SGCD: variants seen among roughly 807,000 people sequenced by gnomAD.
SGCD encodes sarcoglycan delta, also known as delta-sarcoglycan.
A neutral mutation model predicts 36.6 loss-of-function variants in SGCD; 18 were observed. The ratio of observed to expected loss-of-function variants is 0.49; its 90% CI spans 0.34 to 0.73. The LOEUF (loss-of-function observed/expected upper bound fraction) is 0.73, where lower values mean the gene tolerates loss of function less well. Ranked by LOEUF, SGCD falls within the 30% of genes least tolerant of loss-of-function variation. SGCD has a pLI of 0.01. For missense variants in SGCD, 387 were observed against 346.7 expected (o/e 1.12, Z -0.92); for synonymous variants, 133 against 130.6 (o/e 1.02, Z -0.12).
At chr5:156,664,479 G>A (rs1156357559) in intron 7 of SGCD, among the ~76,000 whole-genome samples, 1 of 139,828 alleles carries the variant, frequency 7.2e-6, no homozygotes, top group Non-Finnish European at 1.5e-5. Flanking sequence ...TACTTCCTGG[G>A]TCTTGGATTT....
intron 1 of SGCD, among the ~76,000 whole-genome samples, chr5:156,086,654 G>T (rs2127592904): frequency 6.6e-6 from 1 of 152,242 alleles, no homozygotes; most frequent in East Asian, 1.9e-4. Context: ...GAATTTCATA[G>T]GTGCCTGGAT....
At chr5:155,930,220 A>G (rs1757074381) in intron 1 of SGCD, among the ~76,000 whole-genome samples, 1 of 152,210 alleles carries the variant, frequency 6.6e-6, no homozygotes, top group Non-Finnish European at 1.5e-5. Flanking sequence ...TTTGATATCT[A>G]GAAACACCTC....
chr5:156,552,574 A>G (rs1758843526), intron 4 of SGCD, among the ~76,000 whole-genome samples: 1 of 152,196 alleles, frequency 6.6e-6, no homozygotes, highest in Non-Finnish European at 1.5e-5. Flanking sequence ...TTGTACAAAC[A>G]AGTACCAATG....
the SGCD span, among the ~76,000 whole-genome samples, chr5:155,826,856 G>C: frequency 1.3e-5 from 2 of 152,312 alleles, no homozygotes; most frequent in South Asian, 2.1e-4. Context: ...TAGAATGCTA[G>C]TTTCCATGAA....
chr5:156,041,724 A>G (rs1216574940), intron 1 of SGCD, among the ~76,000 whole-genome samples: 1 of 152,198 alleles, frequency 6.6e-6, no homozygotes, highest in Non-Finnish European at 1.5e-5. Flanking sequence ...CAGGGCATGC[A>G]AAAAGGTTTC....
chr5:156,609,430 G>T (rs926839386), intron 6 of SGCD, among the ~76,000 whole-genome samples: 1 of 152,298 alleles, frequency 6.6e-6, no homozygotes, highest in Non-Finnish European at 1.5e-5. Flanking sequence ...AGTCTGATGG[G>T]CTTCCCTTTG....
chr5:156,448,956 G>T (rs920240850), intron 3 of SGCD, among the ~76,000 whole-genome samples: 5 of 151,862 alleles, frequency 3.3e-5, no homozygotes, highest in Non-Finnish European at 7.4e-5. Flanking sequence ...TTTTTACCAT[G>T]TTGGCCAGGC....
At chr5:156,393,888 G>A in intron 3 of SGCD, 1 of 451,482 alleles carries the variant, frequency 2.2e-6, no homozygotes, top group South Asian at 1.6e-5. Flanking sequence ...CTGTGGGTAT[G>A]CCACTTAACA....
At chr5:155,840,664 A>C in the SGCD span, among the ~76,000 whole-genome samples, 1 of 151,450 alleles carries the variant, frequency 6.6e-6, no homozygotes, top group East Asian at 2.0e-4. Context: ...TCAGTTCTAG[A>C]ATCTAGAATT....
intron 1 of SGCD, among the ~76,000 whole-genome samples, chr5:155,982,392 G>A (rs572222688): frequency 3.9e-5 from 6 of 152,274 alleles, no homozygotes; most frequent in Admixed American, 6.5e-5. Flanking sequence ...CTCAGTTGCT[G>A]GTTTTGCAGT....
In SGCD at chr5:156,635,007, G is replaced by A. The variant is rs1156649554; in HGVS notation, c.503-12457G>A. ...GACGGCTGAGGTGGGAGGACTGCTTGAGCCCAGAAGTTCAAGACCAGCCTG... is the reference window on the plus strand; with the variant it reads ...GACGGCTGAGGTGGGAGGACTGCTTAAGCCCAGAAGTTCAAGACCAGCCTG... On this transcript the variant is annotated intron_variant, in intron 6 of 8. Transcript: ENST00000337851. Among the ~76,000 whole-genome samples, 6 of 152,180 alleles carry A rather than the reference G, an allele frequency of 3.9e-5. No individual in the cohort carries two copies. In the East Asian group the frequency reaches 1.2e-3, roughly 29 times the overall value.
intron 3 of SGCD, among the ~76,000 whole-genome samples, chr5:156,153,839 A>G (rs1377694128): frequency 9.9e-5 from 15 of 151,686 alleles, no homozygotes; most frequent in Admixed American, 9.8e-4. Flanking sequence ...CGTATGCATC[A>G]GTATTTTCAA....
intron 3 of SGCD, among the ~76,000 whole-genome samples, chr5:156,146,327 A>G (rs914367236): frequency 1.3e-5 from 2 of 152,254 alleles, no homozygotes; most frequent in African/African-American, 4.8e-5. Context: ...TGAATAATTT[A>G]TATTGTCATA....
chr5:155,880,580 TACAA>T (rs1327606581), intron 1 of SGCD, among the ~76,000 whole-genome samples: 1 of 152,154 alleles, frequency 6.6e-6, no homozygotes, highest in Admixed American at 6.5e-5. Flanking sequence ...TACACATATG[TACAA>T]ACAAACATAA....
intron 1 of SGCD, among the ~76,000 whole-genome samples, chr5:156,054,284 CTTTTT>C (rs70981996): frequency 2.5e-5 from 2 of 80,380 alleles, no homozygotes; most frequent in African/African-American, 3.8e-5. Context: ...AACTTTCCTT[CTTTTT>C]TTTTTTTTTT....
rs553414313 is a variant in SGCD, at chr5:156,518,101, C to A, written c.294+9399C>A. Among the ~76,000 whole-genome samples the A allele has an allele frequency of 2.0e-5, 3 of 152,156 alleles. No individual in the cohort carries two copies. The East Asian group carries it at 5.8e-4, about 29-fold the overall frequency. ...TACTGTATTCAAGAGACCCATCTCA[C>A]GTGCAAAGACACACAAAGGCTAAAA... On this transcript the variant is annotated intron_variant, in intron 4 of 8. Coordinates refer to ENST00000337851, the MANE Select transcript of SGCD (RefSeq NM_000337.6).
At chr5:156,422,194 A>T (rs150438191) in intron 3 of SGCD, among the ~76,000 whole-genome samples, 1 of 152,154 alleles carries the variant, frequency 6.6e-6, no homozygotes, top group East Asian at 1.9e-4. Flanking sequence ...GCAGGAGCTT[A>T]ATAAAAATAA....
At chr5:156,646,248 C>T (rs1304345290) in intron 6 of SGCD, among the ~76,000 whole-genome samples, 1 of 152,188 alleles carries the variant, frequency 6.6e-6, no homozygotes, top group Non-Finnish European at 1.5e-5. Flanking sequence ...CTTTCTACAT[C>T]CAAAGCCTGT....
chr5:156,178,219 A>C (rs1763518525), intron 3 of SGCD, among the ~76,000 whole-genome samples: 1 of 152,206 alleles, frequency 6.6e-6, no homozygotes, highest in Non-Finnish European at 1.5e-5. Flanking sequence ...TGAAAAAAAA[A>C]ATCATAAGTT....
Sources: allele counts gnomAD v4.1 joint callset (sites outside exome capture counted in the v4.1 genomes callset), GRCh38; gene constraint gnomAD v4.1.1; transcripts MANE v1.5; gene names NCBI Gene and HGNC (gene_info 2026-07-23, HGNC 2026-07-21).